The following KCND2 variants were observed in gnomAD, a reference collection of about 807,000 sequenced individuals.
The protein encoded by KCND2 is A-type voltage-gated potassium channel KCND2.
KCND2 carries 16 observed loss-of-function variants against 54.4 expected under a neutral mutation model. The observed-to-expected ratio is 0.29, with a 90% CI of 0.20 to 0.45. KCND2 has a LOEUF of 0.45. Among genes scored for constraint, KCND2 ranks in the 20% least tolerant of loss-of-function variants. The probability of loss-of-function intolerance (pLI) is 1.00; values close to 1 mark genes in which losing one functional copy is unlikely to be tolerated. For synonymous variants in KCND2, 317 were observed against 310.7 expected, an observed-to-expected ratio of 1.02 and a Z score of -0.21; for missense variants, 486 against 824.2, an observed-to-expected ratio of 0.59 and a Z score of 5.02.
chr7:120,731,821 G>A (rs148019728), intron 1 of KCND2, among the ~76,000 whole-genome samples: 76 of 152,240 alleles, frequency 5.0e-4, no homozygotes, highest in African/African-American at 6.7e-4. Flanking sequence ...GAGATGAAAC[G>A]TTGATACTGG....
chr7:120,291,636 T>C (rs1459820862), intron 1 of KCND2, among the ~76,000 whole-genome samples: 1 of 151,850 alleles, frequency 6.6e-6, no homozygotes, highest in Non-Finnish European at 1.5e-5. Flanking sequence ...AAGAAAGATA[T>C]AAGGGATTAA....
At chr7:120,449,335 A>C (rs1802068953) in intron 1 of KCND2, among the ~76,000 whole-genome samples, 1 of 152,018 alleles carries the variant, frequency 6.6e-6, no homozygotes, top group Non-Finnish European at 1.5e-5. Flanking sequence ...TCTCAAAAAA[A>C]AAAAAAAAAT....
intron 1 of KCND2, among the ~76,000 whole-genome samples, chr7:120,607,057 G>T (rs768986678): frequency 2.0e-5 from 3 of 152,092 alleles, no homozygotes; most frequent in Non-Finnish European, 2.9e-5. Context: ...CTACAGTCTT[G>T]CCAGGATGTT....
At chr7:120,702,342 G>A (rs1392539176) in intron 1 of KCND2, among the ~76,000 whole-genome samples, 1 of 152,186 alleles carries the variant, frequency 6.6e-6, no homozygotes, top group Non-Finnish European at 1.5e-5. Context: ...GCAGTTGATA[G>A]GAGTGTAAAT....
At chr7:120,725,357 C>T (rs1184915174) in intron 1 of KCND2, among the ~76,000 whole-genome samples, 1 of 152,108 alleles carries the variant, frequency 6.6e-6, no homozygotes, top group Non-Finnish European at 1.5e-5. Flanking sequence ...AATTACTTAT[C>T]TTTGTAAAAG....
At chr7:120,394,019 C>T (rs1801115401) in intron 1 of KCND2, among the ~76,000 whole-genome samples, 2 of 151,870 alleles carry the variant, frequency 1.3e-5, no homozygotes, top group African/African-American at 4.8e-5. Context: ...TATGTATGTA[C>T]CATAATGAAT....
intron 1 of KCND2, among the ~76,000 whole-genome samples, chr7:120,508,891 A>ATTTTTTT (rs57245091): frequency 0.092 from 12,654 of 138,046 alleles, 2,094 homozygotes; most frequent in African/African-American, 0.33. Flanking sequence ...GCCTTTCACG[A>ATTTTTTT]TTTTTTTTTT....
At chr7:120,626,891 A>G (rs1309132717) in intron 1 of KCND2, among the ~76,000 whole-genome samples, 1 of 152,192 alleles carries the variant, frequency 6.6e-6, no homozygotes, top group Admixed American at 6.5e-5. Context: ...CACTCCAAAA[A>G]AGTCCCTAAA....
chr7:120,675,562 A>T (rs1363339849), intron 1 of KCND2, among the ~76,000 whole-genome samples: 2 of 152,018 alleles, frequency 1.3e-5, no homozygotes, highest in African/African-American at 2.4e-5. Flanking sequence ...TTAATGGTGA[A>T]TGCATGTTTA....
chr7:120,679,379 G>T (rs1392663746), intron 1 of KCND2, among the ~76,000 whole-genome samples: 2 of 151,814 alleles, frequency 1.3e-5, no homozygotes, highest in African/African-American at 4.8e-5. Context: ...TACCTCAGAG[G>T]CAGGCATTTT....
At chr7:120,310,158 T>C (rs1400355470) in intron 1 of KCND2, among the ~76,000 whole-genome samples, 2 of 152,130 alleles carry the variant, frequency 1.3e-5, no homozygotes, top group Admixed American at 6.6e-5. Flanking sequence ...GAGGAAAAGA[T>C]AGAATCACGT....
chr7:120,707,371 CAAT>C (rs1792482811), intron 1 of KCND2, among the ~76,000 whole-genome samples: 1 of 152,042 alleles, frequency 6.6e-6, no homozygotes, highest in South Asian at 2.1e-4. Flanking sequence ...ACAACTATAA[CAAT>C]AATAACTATT....
intron 1 of KCND2, among the ~76,000 whole-genome samples, chr7:120,352,298 A>G (rs191723293): frequency 1.3e-5 from 2 of 151,842 alleles, no homozygotes; most frequent in Admixed American, 1.3e-4. Flanking sequence ...TTCTTTTAAA[A>G]TCCGAAGGAA....
At chr7:120,732,773 AT>A in intron 1 of KCND2, 129 bp from the exon 2 acceptor site, 1 of 688,946 alleles carries the variant, frequency 1.5e-6, no homozygotes, top group South Asian at 1.8e-5. Context: ...AGCCATATAT[AT>A]TATAGTCACA....
At chr7:120,643,801 A>T (rs1428047064) in intron 1 of KCND2, among the ~76,000 whole-genome samples, 1 of 151,748 alleles carries the variant, frequency 6.6e-6, no homozygotes, top group East Asian at 1.9e-4. Context: ...TGAAATAGAA[A>T]AAAAAAATTG....
intron 1 of KCND2, among the ~76,000 whole-genome samples, chr7:120,286,864 CAG>C (rs1361680629): frequency 9.2e-5 from 14 of 151,784 alleles, no homozygotes; most frequent in Admixed American, 9.2e-4. Flanking sequence ...GTCGAATAAA[CAG>C]AAATGATTAG....
At chr7:120,500,201 G>T (rs1483787011) in intron 1 of KCND2, among the ~76,000 whole-genome samples, 1 of 151,952 alleles carries the variant, frequency 6.6e-6, no homozygotes, top group Non-Finnish European at 1.5e-5. Flanking sequence ...AATTTTATTT[G>T]GACTAAGAGC....
At chr7:120,706,606 G>A (rs992243315) in intron 1 of KCND2, among the ~76,000 whole-genome samples, 3 of 152,274 alleles carry the variant, frequency 2.0e-5, no homozygotes, top group Middle Eastern at 3.4e-3. Flanking sequence ...TATCACATTG[G>A]CCTGAATGTT....
intron 1 of KCND2, among the ~76,000 whole-genome samples, chr7:120,527,693 A>T (rs892355701): frequency 6.9e-6 from 1 of 145,812 alleles, no homozygotes; most frequent in Non-Finnish European, 1.5e-5. Context: ...AATTGCCATT[A>T]AAAAAAACAA....
Sources: allele counts gnomAD v4.1 joint callset (sites outside exome capture counted in the v4.1 genomes callset), GRCh38; gene constraint gnomAD v4.1.1; transcripts MANE v1.5; gene names NCBI Gene and HGNC (gene_info 2026-07-23, HGNC 2026-07-21).